Variants in DPT observed in about 807,000 individuals in gnomAD.
The protein encoded by DPT is dermatopontin, also known as tyrosine-rich acidic matrix protein.
Under a neutral mutation model 31.2 loss-of-function variants are expected in DPT, and 21 were observed. The ratio of observed to expected loss-of-function variants is 0.67; its 90% CI spans 0.48 to 0.97. DPT has a LOEUF of 0.97. DPT is among the 50% of genes least tolerant of loss of function. The pLI is 0.00. For missense variants in DPT, 262 were observed against 258.8 expected, an observed-to-expected ratio of 1.01 and a Z score of -0.08; for synonymous variants, 91 against 86.9, an observed-to-expected ratio of 1.05 and a Z score of -0.26.
intron 2 of DPT, among the ~76,000 whole-genome samples, chr1:168,706,733 G>A (rs530022): frequency 0.45 from 68,926 of 152,086 alleles, 15,721 homozygotes; most frequent in East Asian, 0.51. Context: ...CACAACACGA[G>A]GGAATAACAG....
intron 2 of DPT, among the ~76,000 whole-genome samples, chr1:168,701,601 A>AAT (rs1283252222): frequency 6.6e-6 from 1 of 152,304 alleles, no homozygotes; most frequent in East Asian, 1.9e-4. Flanking sequence ...TTTTGTTTCA[A>AAT]ATATATATGT....
chr1:168,725,215 ATTCCT>A lies in DPT; in HGVS notation c.305+3650_305+3654del, dbSNP rs746132155. On this transcript the variant is annotated intron_variant, in intron 1 of 3. Transcript: ENST00000367817. ...CTTCCTTTGCTTTTCTTTCCTTTCC[ATTCCT>A]TTCCTTTCCTTTCCTTTCCTTTCCT... Among the ~76,000 whole-genome samples the A allele has an allele frequency of 6.0e-3, 667 of 110,752 alleles. 6 individuals are homozygous for A. Among genetic ancestry groups the A allele is most frequent in the African/African-American group, 0.013 (349 of 27,516 alleles). 72.7% of individuals were successfully genotyped at this position (110,752 alleles called of 152,430 possible).
chr1:168,713,434 A>T (rs1649909355), intron 2 of DPT, among the ~76,000 whole-genome samples: 1 of 152,238 alleles, frequency 6.6e-6, no homozygotes, highest in Non-Finnish European at 1.5e-5. Flanking sequence ...GCAAGCATCA[A>T]ACTGTAGAGA....
At chr1:168,725,028 C>T (rs560454519) in intron 1 of DPT, among the ~76,000 whole-genome samples, 14 of 152,288 alleles carry the variant, frequency 9.2e-5, no homozygotes, top group African/African-American at 2.6e-4. Context: ...CAACATCAGC[C>T]ACATCAATTT....
At chr1:168,696,690 G>T in intron 3 of DPT, 75 bp from the exon 4 acceptor site, 2 of 1,331,248 alleles carry the variant, frequency 1.5e-6, no homozygotes, top group South Asian at 1.2e-5. Flanking sequence ...TGGGGAAACA[G>T]CAGCAGAGAA....
At chr1:168,724,289 C>G (rs1032549873) in intron 1 of DPT, among the ~76,000 whole-genome samples, 1 of 152,238 alleles carries the variant, frequency 6.6e-6, no homozygotes, top group East Asian at 1.9e-4. Context: ...CAGTTGGAAC[C>G]CCTACTATAG....
intron 1 of DPT, among the ~76,000 whole-genome samples, chr1:168,720,478 C>A (rs761905798): frequency 7.9e-5 from 12 of 152,110 alleles, no homozygotes; most frequent in Non-Finnish European, 1.3e-4. Flanking sequence ...GAAGTTTGGA[C>A]TTTAGGTGGT....
rs913973774 is a variant in DPT at position 168,724,063 on chromosome 1, C to T, written c.305+4807G>A. Among the ~76,000 whole-genome samples, 3 of 152,232 alleles carry T rather than the reference C, an allele frequency of 2.0e-5. No individual in the cohort carries two copies. In the East Asian group the frequency reaches 5.8e-4, roughly 29 times the overall value. On this transcript the variant is annotated intron_variant, in intron 1 of 3. Coordinates refer to ENST00000367817, the MANE Select transcript of DPT (RefSeq NM_001937.5). ...ATAGGTTACTGTGCAGCATTTAGCC[C>T]TTATGGCTTTTGAAATAAAGAGTTT... is the stretch of plus-strand genomic sequence containing the variant.
chr1:168,721,989 C>G (rs1035539381), intron 1 of DPT, among the ~76,000 whole-genome samples: 5 of 152,138 alleles, frequency 3.3e-5, no homozygotes, highest in African/African-American at 9.7e-5. Context: ...ATAGAAAGAC[C>G]TAGCACAGGA....
intron 1 of DPT, among the ~76,000 whole-genome samples, chr1:168,718,516 G>A (rs1448084228): frequency 6.6e-6 from 1 of 152,216 alleles, no homozygotes; most frequent in African/African-American, 2.4e-5. Flanking sequence ...CATTTTGGTA[G>A]AGTCAGCCTG....
At chr1:168,715,961 A>G (rs1452535958) in intron 1 of DPT, among the ~76,000 whole-genome samples, 4 of 152,342 alleles carry the variant, frequency 2.6e-5, no homozygotes, top group Non-Finnish European at 5.9e-5. Context: ...TCATGGGAAG[A>G]TAAGTTTTCA....
At chr1:168,726,922 G>A (rs1386179120) in intron 1 of DPT, among the ~76,000 whole-genome samples, 1 of 152,230 alleles carries the variant, frequency 6.6e-6, no homozygotes, top group Admixed American at 6.5e-5. Flanking sequence ...GGCTGTCCAA[G>A]CAGCCTCCAC....
chr1:168,701,072 A>G lies in DPT; in HGVS notation c.484T>C (p.Tyr162His), dbSNP rs1030727923. 9 of 1,613,900 alleles carry G rather than the reference A, an allele frequency of 5.6e-6. No homozygotes were observed. The highest frequency in any genetic ancestry group is 7.6e-6 in the Non-Finnish European group (9 of 1,179,984). The change falls in exon 3 of 4, where the codon TAC becomes CAC. Residue 162 changes from tyrosine (Y) to histidine (H), a missense_variant. Transcript: ENST00000367817. ...HYGEEMDMIS[Y>H]NYDYYIRGAT... ...CCTCGGATATAGTAATCATAATTGTAGGAAATCATGTCCATTTCCTCACCA... is the reference window on the plus strand; with the variant it reads ...CCTCGGATATAGTAATCATAATTGTGGGAAATCATGTCCATTTCCTCACCA...
intron 1 of DPT, among the ~76,000 whole-genome samples, chr1:168,726,200 C>T (rs1650238316): frequency 6.6e-6 from 1 of 152,198 alleles, no homozygotes; most frequent in Non-Finnish European, 1.5e-5. Context: ...ACACTGCACA[C>T]CCAAAAATGC....
rs572200616 is a variant in DPT at position 168,719,593 on chromosome 1, T to G, written c.306-5247A>C. Among the ~76,000 whole-genome samples the G allele has an allele frequency of 3.3e-5, 5 of 152,176 alleles. No individual in the cohort carries two copies. In the East Asian group the frequency reaches 7.7e-4, roughly 24 times the overall value. Reference sequence around the variant, plus strand: ...CAGTGGCTCAATGCTCTATTCCGCTTGGAGGGAAACTACTTGGAGGGAGTT... The same window carrying G: ...CAGTGGCTCAATGCTCTATTCCGCTGGGAGGGAAACTACTTGGAGGGAGTT... On this transcript the variant is annotated intron_variant, in intron 1 of 3. Transcript: ENST00000367817.
intron 1 of DPT, among the ~76,000 whole-genome samples, chr1:168,716,664 C>T (rs921104800): frequency 2.0e-5 from 3 of 152,094 alleles, no homozygotes; most frequent in African/African-American, 4.8e-5. Context: ...GTTTTAAGGC[C>T]CGCATGCATT....
chr1:168,706,418 T>C (rs994843889), intron 2 of DPT, among the ~76,000 whole-genome samples: 2 of 152,228 alleles, frequency 1.3e-5, no homozygotes, highest in African/African-American at 4.8e-5. Context: ...TTCAGATTAA[T>C]TTAGTTTGTC....
intron 1 of DPT, among the ~76,000 whole-genome samples, 172 bp downstream of exon 1, chr1:168,728,698 G>A (rs965616332): frequency 6.6e-6 from 1 of 152,166 alleles, no homozygotes; most frequent in African/African-American, 2.4e-5. Flanking sequence ...GTCCTGTCAT[G>A]TAGTCCGCTC....
chr1:168,714,488 T>A, intron 1 of DPT, 142 bp from the exon 2 acceptor site: 1 of 1,091,272 alleles, frequency 9.2e-7, no homozygotes, highest in Non-Finnish European at 1.3e-6. Flanking sequence ...ATAATAGTCT[T>A]TATTATATTT....
Sources: gnomAD v4.1 joint callset for allele counts (sites outside exome capture counted in the v4.1 genomes callset) on GRCh38, gnomAD v4.1.1 for gene constraint, MANE v1.5 for transcripts, NCBI Gene and HGNC (gene_info 2026-07-23, HGNC 2026-07-21) for gene names.